The following TMEM132D variants were observed in gnomAD, a reference collection of about 807,000 sequenced individuals.
The protein encoded by TMEM132D is mature OL transmembrane protein.
TMEM132D carries 21 observed loss-of-function variants against 62.3 expected under a neutral mutation model. That is an observed-to-expected ratio of 0.34 (90% CI 0.24 to 0.49). The LOEUF (loss-of-function observed/expected upper bound fraction) is 0.49, where lower values mean the gene tolerates loss of function less well. Ranked by LOEUF, TMEM132D falls within the 20% of genes least tolerant of loss-of-function variation. The probability of loss-of-function intolerance (pLI) is 0.99; values close to 1 mark genes in which losing one functional copy is unlikely to be tolerated. For missense variants in TMEM132D, 1,346 were observed against 1,402.8 expected, an observed-to-expected ratio of 0.96 and a Z score of 0.65; for synonymous variants, 621 against 575.6, an observed-to-expected ratio of 1.08 and a Z score of -1.13.
At chr12:129,567,395 G>A (rs997123316) in intron 2 of TMEM132D, among the ~76,000 whole-genome samples, 2 of 152,078 alleles carry the variant, frequency 1.3e-5, no homozygotes, top group Non-Finnish European at 2.9e-5. Flanking sequence ...AATCCACATT[G>A]CAACTAACTA....
At chr12:129,445,344 A>G (rs774983382) in intron 3 of TMEM132D, among the ~76,000 whole-genome samples, 6 of 152,158 alleles carry the variant, frequency 3.9e-5, no homozygotes, top group Admixed American at 2.6e-4. Context: ...GAATCAAGAA[A>G]AATAACTAAT....
intron 2 of TMEM132D, among the ~76,000 whole-genome samples, chr12:129,531,777 C>T (rs1054530235): frequency 3.3e-5 from 5 of 152,188 alleles, no homozygotes; most frequent in Admixed American, 3.3e-4. Flanking sequence ...AGCTACTGCG[C>T]CCAGCCCTGT....
At chr12:129,443,356 C>G (rs984213045) in intron 3 of TMEM132D, among the ~76,000 whole-genome samples, 2 of 152,226 alleles carry the variant, frequency 1.3e-5, no homozygotes, top group Non-Finnish European at 2.9e-5. Context: ...CATCGCAAGT[C>G]TCTAGTATTT....
chr12:129,315,772 G>A lies in TMEM132D; in HGVS notation c.1299+21862C>T, dbSNP rs74806410. Among the ~76,000 whole-genome samples, 1,463 of 152,042 alleles carry A rather than the reference G, an allele frequency of 9.6e-3. 33 individuals carry two copies. The highest frequency in any genetic ancestry group is 0.033 in the African/African-American group (1,376 of 41,468). On this transcript the variant is annotated intron_variant, in intron 4 of 8. Transcript: ENST00000422113. ...TTCTGCTGTGAAAGTGTCTGGTCTT[G>A]GACTTTTTTTGTTGGTAATTTTTAA...
At chr12:129,419,206 G>C (rs1872223585) in intron 3 of TMEM132D, among the ~76,000 whole-genome samples, 1 of 152,098 alleles carries the variant, frequency 6.6e-6, no homozygotes, top group Non-Finnish European at 1.5e-5. Flanking sequence ...ACACCTTCAA[G>C]TTTGGGTGGG....
At chr12:129,589,305 A>G (rs1307354961) in intron 2 of TMEM132D, among the ~76,000 whole-genome samples, 8 of 152,102 alleles carry the variant, frequency 5.3e-5, no homozygotes, top group Admixed American at 2.0e-4. Context: ...GCTACCATGT[A>G]AGACATGCCT....
At chr12:129,162,027 A>G (rs12580240) in intron 5 of TMEM132D, among the ~76,000 whole-genome samples, 13,914 of 152,164 alleles carry the variant, frequency 0.091, 1,576 homozygotes, top group African/African-American at 0.26. Context: ...TTTGCACAGT[A>G]TGATGTCTTG....
At chr12:129,480,271 G>C (rs1253688838) in intron 3 of TMEM132D, among the ~76,000 whole-genome samples, 1 of 152,250 alleles carries the variant, frequency 6.6e-6, no homozygotes, top group Admixed American at 6.5e-5. Flanking sequence ...CAAAGTCAGA[G>C]AAGGAACAGG....
chr12:129,075,037 A>C lies in TMEM132D; in HGVS notation c.2138T>G (p.Val713Gly). The change falls in exon 9 of 9, where the codon GTC (valine) becomes GGC (glycine). Residue 713 changes from valine to glycine, a missense_variant. By Grantham distance (109) the Val-to-Gly change is moderately radical (BLOSUM62 -3). Transcript: ENST00000422113. ...PKQEAAISCW[V>G]QFSDGSVTPL... is the part of the protein sequence containing the mutation. ...CGTGACTGAGCCATCACTGAACTGGACCCAGCAACTGATGGCTGCTTCCTA... is the reference window on the plus strand; with the variant it reads ...CGTGACTGAGCCATCACTGAACTGGCCCCAGCAACTGATGGCTGCTTCCTA... 6.2e-7 allele frequency: 1 copy of C among 1,608,528 alleles called. No individual in the cohort carries two copies. Among genetic ancestry groups the C allele is most frequent in the East Asian group, 2.2e-5 (1 of 44,840 alleles).
chr12:129,830,660 G>A (rs1394573930), intron 1 of TMEM132D, among the ~76,000 whole-genome samples: 1 of 152,140 alleles, frequency 6.6e-6, no homozygotes, highest in Non-Finnish European at 1.5e-5. Flanking sequence ...GGCACAAGTT[G>A]TCAGGACTCC....
chr12:129,708,659 T>A, intron 1 of TMEM132D, among the ~76,000 whole-genome samples: 1 of 109,500 alleles, frequency 9.1e-6, no homozygotes, highest in African/African-American at 3.3e-5. Context: ...ACACACACAG[T>A]GCACTCATTT....
At chr12:129,897,582 A>G (rs1486675632) in intron 1 of TMEM132D, among the ~76,000 whole-genome samples, 1 of 152,166 alleles carries the variant, frequency 6.6e-6, no homozygotes, top group East Asian at 1.9e-4. Context: ...AAAAAAAACA[A>G]AAAAGAAGCT....
intron 1 of TMEM132D, among the ~76,000 whole-genome samples, chr12:129,800,713 C>A (rs1459680123): frequency 6.6e-6 from 1 of 152,074 alleles, no homozygotes. Flanking sequence ...GAGGAGGAGC[C>A]AAGATGGCCG....
At chr12:129,688,708 A>G (rs180901641) in intron 2 of TMEM132D, among the ~76,000 whole-genome samples, 1 of 152,070 alleles carries the variant, frequency 6.6e-6, no homozygotes, top group Non-Finnish European at 1.5e-5. Context: ...GAGGTATTAT[A>G]CTAGATAATG....
intron 1 of TMEM132D, among the ~76,000 whole-genome samples, chr12:129,846,681 T>C (rs1198397025): frequency 6.6e-6 from 1 of 152,218 alleles, no homozygotes; most frequent in Non-Finnish European, 1.5e-5. Context: ...TCATCTTTGC[T>C]CTTGAGAATA....
At chr12:129,630,470 C>T (rs1372693188) in intron 2 of TMEM132D, among the ~76,000 whole-genome samples, 1 of 152,012 alleles carries the variant, frequency 6.6e-6, no homozygotes, top group Non-Finnish European at 1.5e-5. Flanking sequence ...TGGTGGTTTT[C>T]TAGAACATTT....
chr12:129,087,348 C>A (rs541995154), intron 5 of TMEM132D, among the ~76,000 whole-genome samples: 1 of 151,824 alleles, frequency 6.6e-6, no homozygotes, highest in Non-Finnish European at 1.5e-5. Flanking sequence ...TATATATACA[C>A]CACATTTTCT....
intron 2 of TMEM132D, among the ~76,000 whole-genome samples, chr12:129,589,690 G>A (rs1299805916): frequency 6.6e-6 from 1 of 152,142 alleles, no homozygotes. Flanking sequence ...CTTGTGGGCA[G>A]GTGGACCAAA....
intron 3 of TMEM132D, among the ~76,000 whole-genome samples, chr12:129,419,121 T>C (rs1307994082): frequency 6.6e-6 from 1 of 152,310 alleles, no homozygotes; most frequent in East Asian, 1.9e-4. Flanking sequence ...TGGGACTTCG[T>C]TATGTAAAAA....
Sources: gnomAD v4.1 joint callset for allele counts (sites outside exome capture counted in the v4.1 genomes callset) on GRCh38, gnomAD v4.1.1 for gene constraint, MANE v1.5 for transcripts, NCBI Gene and HGNC (gene_info 2026-07-23, HGNC 2026-07-21) for gene names.